AMZ1: variants seen among roughly 807,000 people sequenced by gnomAD.
The protein encoded by AMZ1 is archaemetzincin-1.
AMZ1 carries 39 observed loss-of-function variants against 29.9 expected under a neutral mutation model. That is an observed-to-expected ratio of 1.30 (90% CI 1.01 to 1.70). The LOEUF is 1.70. Among genes scored for constraint, AMZ1 ranks in the 40% most tolerant of loss-of-function variants. AMZ1 has a pLI of 0.00. For synonymous variants in AMZ1, 458 were observed against 304.0 expected (o/e 1.51, Z -5.27); for missense variants, 1,041 against 680.6 (o/e 1.53, Z -5.89).
Position 2,715,588 on chromosome 7 carries a change from CCT to C in AMZ1, c.*2711_*2712del, listed in dbSNP as rs1789073985. 1.3e-5 allele frequency: 2 copies of C among 152,200 alleles called. No individual in the cohort carries two copies. Among genetic ancestry groups the C allele is most frequent in the South Asian group, 4.1e-4 (2 of 4,828 alleles). The allele number at this position is 152,200 out of a possible 1,614,324, so 9.4% of individuals were successfully genotyped here. On this transcript the variant is annotated 3_prime_UTR_variant, in exon 7 of 7. Transcript: ENST00000683327. ...AAGGAGCAAACCACTAAAAAAAACT[CCT>C]TTTATCCGCAGCGTTTACCAACTTG...
chr7:2,721,394 G>A (rs1789414477), downstream of AMZ1, among the ~76,000 whole-genome samples: 1 of 152,220 alleles, frequency 6.6e-6, no homozygotes, highest in Non-Finnish European at 1.5e-5. Flanking sequence ...GCATGCTGCA[G>A]AATCCACTGC....
chr7:2,746,791 AAG>A (rs1443114828), intron 4 of AMZ1, among the ~76,000 whole-genome samples: 1 of 152,230 alleles, frequency 6.6e-6, no homozygotes, highest in African/African-American at 2.4e-5. Flanking sequence ...TAAAGAAGAA[AAG>A]AGAGAAGAAT....
chr7:2,697,452 C>A (rs532587756), intron 1 of AMZ1, among the ~76,000 whole-genome samples: 1 of 152,008 alleles, frequency 6.6e-6, no homozygotes, highest in African/African-American at 2.4e-5. Context: ...GAGACAGGGT[C>A]TCACTCCCTC....
At chr7:2,753,165 TA>T (rs869161467) in intron 4 of AMZ1, among the ~76,000 whole-genome samples, 2 of 147,188 alleles carry the variant, frequency 1.4e-5, no homozygotes, top group South Asian at 2.2e-4. Context: ...TTTTTTTTTT[TA>T]AAAAAAGAGA....
intron 1 of AMZ1, among the ~76,000 whole-genome samples, chr7:2,689,796 C>T (rs1387465616): frequency 6.6e-6 from 1 of 152,208 alleles, no homozygotes; most frequent in East Asian, 1.9e-4. Context: ...CGAGAAACCT[C>T]CATCTGGGGG....
At chr7:2,720,171 C>CT (rs1789357914), downstream of AMZ1, among the ~76,000 whole-genome samples, 1 of 152,244 alleles carries the variant, frequency 6.6e-6, no homozygotes, top group African/African-American at 2.4e-5. Context: ...CGGCTCCCCT[C>CT]TGAGACTCGG....
intron 4 of AMZ1, among the ~76,000 whole-genome samples, chr7:2,759,316 G>A (rs774787084): frequency 5.3e-5 from 8 of 152,178 alleles, no homozygotes; most frequent in African/African-American, 7.2e-5. Context: ...AGCGCTAGCT[G>A]TAAGAACTCA....
chr7:2,716,088 TC>T lies in AMZ1; in HGVS notation c.*3211del, dbSNP rs1476115424. ...GGGCCTCATGGAGCTAAAAATAGTT[TC>T]AGGTCATGACAGATGTTATCTGTAT... On this transcript the variant is annotated 3_prime_UTR_variant, in exon 7 of 7. Coordinates refer to ENST00000683327, the MANE Select transcript of AMZ1 (RefSeq NM_001384743.1). 1.3e-5 allele frequency: 2 copies of T among 152,154 alleles called. No individual in the cohort carries two copies. Among genetic ancestry groups the T allele is most frequent in the African/African-American group, 4.8e-5 (2 of 41,410 alleles). The allele number at this position is 152,154 out of a possible 1,614,324, so 9.4% of individuals were successfully genotyped here.
intron 4 of AMZ1, among the ~76,000 whole-genome samples, chr7:2,751,899 C>T (rs539788044): frequency 6.6e-6 from 1 of 152,282 alleles, no homozygotes; most frequent in South Asian, 2.1e-4. Context: ...AACTCCAGGC[C>T]TAGATGACCT....
chr7:2,738,678 G>A (rs1790337908), intron 4 of AMZ1, among the ~76,000 whole-genome samples: 1 of 151,900 alleles, frequency 6.6e-6, no homozygotes, highest in African/African-American at 2.4e-5. Context: ...GAGTATGTCT[G>A]ACTTTGGAAC....
intron 1 of AMZ1, among the ~76,000 whole-genome samples, chr7:2,698,342 A>C (rs1787859226): frequency 6.6e-6 from 1 of 152,238 alleles, no homozygotes; most frequent in South Asian, 2.1e-4. Context: ...GTTTGAGACC[A>C]GCCTGGCCAA....
chr7:2,729,263 C>T (rs4722008), intron 4 of AMZ1: 70,747 of 152,268 alleles, frequency 0.46, 17,213 homozygotes, highest in African/African-American at 0.6. Flanking sequence ...CACCACGCTC[C>T]GGACCGGGCT....
chr7:2,687,202 C>G (rs977839318), upstream of AMZ1, among the ~76,000 whole-genome samples: 10 of 152,060 alleles, frequency 6.6e-5, no homozygotes, highest in African/African-American at 2.4e-4. Flanking sequence ...TGATGGGTAC[C>G]TATAATCCCC....
At chr7:2,690,667 CTG>C (rs1448444253) in intron 1 of AMZ1, among the ~76,000 whole-genome samples, 2 of 152,134 alleles carry the variant, frequency 1.3e-5, no homozygotes, top group Non-Finnish European at 2.9e-5. Context: ...CAAACGGCCT[CTG>C]TGGTCGTGGC....
exon 1 of AMZ1, chr7:2,764,825 G>C (rs956227617): frequency 1.3e-5 from 2 of 152,218 alleles, no homozygotes; most frequent in Non-Finnish European, 2.9e-5. Flanking sequence ...CACTGAGACT[G>C]ACCACAGCTG....
chr7:2,689,875 C>T (rs55803494), intron 1 of AMZ1, among the ~76,000 whole-genome samples: 32,243 of 152,122 alleles, frequency 0.21, 4,064 homozygotes, highest in East Asian at 0.33. Flanking sequence ...CCCACTAAGG[C>T]GGCTCCCTCC....
intron 1 of AMZ1, among the ~76,000 whole-genome samples, chr7:2,690,036 C>T (rs1383067997): frequency 2.0e-5 from 3 of 152,144 alleles, no homozygotes; most frequent in East Asian, 3.9e-4. Context: ...CGAATGTGGC[C>T]ACAAGGCTTC....
At position 2,716,029 on chromosome 7, in the gene AMZ1, A is replaced by G. The variant is rs1293458070; in HGVS notation, c.*3151A>G. The G allele has an allele frequency of 6.6e-6, 1 of 152,200 alleles. No homozygotes were observed. The highest frequency in any genetic ancestry group is 1.5e-5 in the Non-Finnish European group (1 of 68,044). 9.4% of individuals were successfully genotyped at this position (152,200 alleles called of 1,614,324 possible). A position where few individuals can be genotyped will look rare whatever the true frequency, so the allele number is the denominator to read the frequency against. ...CAGCTTGACGATGACCTCTCTTCGG[A>G]GAGCCTCACCCATCTTGGTAAGCCA... On this transcript the variant is annotated 3_prime_UTR_variant, in exon 7 of 7. Coordinates refer to ENST00000683327, the MANE Select transcript of AMZ1 (RefSeq NM_001384743.1).
chr7:2,745,729 T>C (rs1790733027), intron 4 of AMZ1, among the ~76,000 whole-genome samples: 1 of 152,314 alleles, frequency 6.6e-6, no homozygotes, highest in Middle Eastern at 3.4e-3. Flanking sequence ...ACTGGCAAAT[T>C]GGATAAAGAG....
Sources: gnomAD v4.1 joint callset for allele counts (sites outside exome capture counted in the v4.1 genomes callset) on GRCh38, gnomAD v4.1.1 for gene constraint, MANE v1.5 for transcripts, NCBI Gene and HGNC (gene_info 2026-07-23, HGNC 2026-07-21) for gene names.